The following FGF14 variants were observed in gnomAD, a reference collection of about 807,000 sequenced individuals.
FGF14 encodes fibroblast growth factor homologous factor 4.
Under a neutral mutation model 25.5 loss-of-function variants are expected in FGF14, and 5 were observed. That is an observed-to-expected ratio of 0.20 (90% confidence interval 0.10 to 0.41). The LOEUF (loss-of-function observed/expected upper bound fraction) is 0.41, where lower values mean the gene tolerates loss of function less well. Ranked by LOEUF, FGF14 falls within the 10% of genes least tolerant of loss-of-function variation. The pLI is 1.00. For missense variants in FGF14, 222 were observed against 320.1 expected, an observed-to-expected ratio of 0.69 and a Z score of 2.34; for synonymous variants, 138 against 118.3, an observed-to-expected ratio of 1.17 and a Z score of -1.08.
At chr13:101,976,399 G>A (rs975390207) in intron 1 of FGF14, among the ~76,000 whole-genome samples, 2 of 152,010 alleles carry the variant, frequency 1.3e-5, no homozygotes, top group African/African-American at 4.8e-5. Flanking sequence ...TATTTTTGTT[G>A]TATTCTTCAA....
chr13:102,079,836 C>A (rs2043533893), intron 1 of FGF14, among the ~76,000 whole-genome samples: 1 of 152,028 alleles, frequency 6.6e-6, no homozygotes, highest in South Asian at 2.1e-4. Flanking sequence ...AGGGAAAAAG[C>A]CTCATTATGA....
At chr13:101,875,143 C>T (rs780245199) in intron 2 of FGF14, 43 bp downstream of exon 2, 1 of 1,308,434 alleles carries the variant, frequency 7.6e-7, no homozygotes, top group Admixed American at 1.7e-5. Flanking sequence ...AGCAGTGTAT[C>T]TTCTACCAAC....
At chr13:102,171,948 C>T (rs1308291384) in intron 1 of FGF14, among the ~76,000 whole-genome samples, 3 of 148,852 alleles carry the variant, frequency 2.0e-5, no homozygotes, top group Admixed American at 2.0e-4. Context: ...AGAAATTTTG[C>T]AAAAAAAGAT....
intron 1 of FGF14, among the ~76,000 whole-genome samples, chr13:102,344,543 G>A (rs1282183608): frequency 1.3e-5 from 2 of 152,242 alleles, no homozygotes; most frequent in East Asian, 1.9e-4. Context: ...TTGGTTGATT[G>A]AGATTTGCTC....
intron 1 of FGF14, among the ~76,000 whole-genome samples, chr13:101,963,952 A>C (rs2037027230): frequency 6.6e-6 from 1 of 152,214 alleles, no homozygotes; most frequent in South Asian, 2.1e-4. Flanking sequence ...TTGTGTGAGG[A>C]AAGACAACAT....
intron 1 of FGF14, among the ~76,000 whole-genome samples, chr13:102,005,896 A>T (rs1474301974): frequency 6.6e-6 from 1 of 152,230 alleles, no homozygotes; most frequent in African/African-American, 2.4e-5. Flanking sequence ...AAAAGTCATA[A>T]GAAAAATTAA....
chr13:101,722,548 C>T lies in FGF14; in HGVS notation c.*283G>A. 2.1e-6 allele frequency: 1 copy of T among 465,246 alleles called. No individual in the cohort carries two copies. 28.8% of individuals were successfully genotyped at this position (465,246 alleles called of 1,614,324 possible). A position where few individuals can be genotyped will look rare whatever the true frequency, so the allele number is the denominator to read the frequency against. On this transcript the variant is annotated 3_prime_UTR_variant, in exon 5 of 5. Transcript: ENST00000376143. Reference sequence around the variant, plus strand: ...GAGTGTACTTGTGAAGTATGTCATTCACATGAAGTGTCACAGTCACAGAAA... The same window carrying T: ...GAGTGTACTTGTGAAGTATGTCATTTACATGAAGTGTCACAGTCACAGAAA...
At position 102,020,048 on chromosome 13, in the gene FGF14, T is replaced by A. The variant is rs892551926; in HGVS notation, c.209-144752A>T. Among the ~76,000 whole-genome samples, 4 of 152,156 alleles carry A rather than the reference T, an allele frequency of 2.6e-5. No homozygotes were observed. In the East Asian group the frequency reaches 7.7e-4, roughly 29 times the overall value. On this transcript the variant is annotated intron_variant, in intron 1 of 4. Transcript: ENST00000376131. ...GGAAAAACATACACAATACACTCAT[T>A]AATTTATATAAAGCAGTCATTTGAT...
intron 1 of FGF14, among the ~76,000 whole-genome samples, chr13:102,274,462 A>G (rs1339892385): frequency 2.0e-5 from 3 of 152,120 alleles, no homozygotes; most frequent in East Asian, 1.9e-4. Context: ...ACACAAACCC[A>G]TATTTTAATA....
intron 1 of FGF14, among the ~76,000 whole-genome samples, chr13:102,285,684 C>CT (rs1566901003): frequency 6.6e-6 from 1 of 152,126 alleles, no homozygotes; most frequent in Non-Finnish European, 1.5e-5. Context: ...TATCTTGATG[C>CT]CTTTTAATAC....
chr13:102,262,997 C>T, intron 1 of FGF14: 1 of 550,790 alleles, frequency 1.8e-6, no homozygotes, highest in Non-Finnish European at 3.3e-6. Context: ...ATGATTGTGA[C>T]CTTCAGACAG....
At chr13:102,134,072 T>C (rs1270466259) in intron 1 of FGF14, among the ~76,000 whole-genome samples, 1 of 152,224 alleles carries the variant, frequency 6.6e-6, no homozygotes, top group African/African-American at 2.4e-5. Flanking sequence ...TATATGTATG[T>C]CTTGAACAAG....
chr13:101,833,137 T>C (rs1212295397), intron 3 of FGF14, among the ~76,000 whole-genome samples: 1 of 151,796 alleles, frequency 6.6e-6, no homozygotes, highest in Non-Finnish European at 1.5e-5. Context: ...GGGTAGGAGG[T>C]AGGGTCTCTC....
chr13:102,056,875 C>A (rs1294526563), intron 1 of FGF14, among the ~76,000 whole-genome samples: 1 of 149,378 alleles, frequency 6.7e-6, no homozygotes, highest in Non-Finnish European at 1.5e-5. Flanking sequence ...TAGTATTCTC[C>A]CTTTTATTGC....
intron 1 of FGF14, among the ~76,000 whole-genome samples, chr13:102,243,227 T>G (rs1166805405): frequency 1.3e-5 from 2 of 152,074 alleles, no homozygotes; most frequent in African/African-American, 4.8e-5. Flanking sequence ...AGGAGAAAAA[T>G]AACTTTCTAT....
chr13:102,276,380 T>TATATATATATATATAC (rs1491317660), intron 1 of FGF14, among the ~76,000 whole-genome samples: 3 of 131,436 alleles, frequency 2.3e-5, no homozygotes, highest in African/African-American at 8.2e-5. Context: ...TATATATATA[T>TATATATATATATATAC]ACACATTATT....
chr13:101,820,624 G>A (rs568626864), intron 3 of FGF14, among the ~76,000 whole-genome samples: 1 of 89,036 alleles, frequency 1.1e-5, no homozygotes, highest in Non-Finnish European at 3.0e-5. Context: ...CTATGGCTAT[G>A]CAAGGGGAAT....
chr13:101,991,330 T>C (rs1338228008), intron 1 of FGF14, among the ~76,000 whole-genome samples: 1 of 152,122 alleles, frequency 6.6e-6, no homozygotes, highest in Non-Finnish European at 1.5e-5. Context: ...ATGAAATCAG[T>C]GTAAAACTTC....
chr13:102,139,603 G>A (rs1199191401), intron 1 of FGF14, among the ~76,000 whole-genome samples: 2 of 152,102 alleles, frequency 1.3e-5, no homozygotes, highest in African/African-American at 4.8e-5. Flanking sequence ...TGGAGGGGGG[G>A]ATGGCATGGA....
Sources: allele counts gnomAD v4.1 joint callset (sites outside exome capture counted in the v4.1 genomes callset), GRCh38; gene constraint gnomAD v4.1.1; transcripts MANE v1.5; gene names NCBI Gene and HGNC (gene_info 2026-07-23, HGNC 2026-07-21).